The following DNAH14 variants were observed in gnomAD, a reference collection of about 807,000 sequenced individuals.
DNAH14 encodes the protein axonemal beta dynein heavy chain 14.
Under a neutral mutation model 520.9 loss-of-function variants are expected in DNAH14, and 478 were observed. The ratio of observed to expected loss-of-function variants is 0.92; its 90% confidence interval spans 0.85 to 0.99. The LOEUF (loss-of-function observed/expected upper bound fraction) is 0.99. DNAH14 is among the 50% of genes least tolerant of loss of function. The pLI is 0.00. For missense variants in DNAH14, 4,831 were observed against 5,234.5 expected (o/e 0.92, Z 2.38); for synonymous variants, 1,581 against 1,757.2 (o/e 0.90, Z 2.51).
intron 76 of DNAH14, among the ~76,000 whole-genome samples, chr1:225,366,358 T>C (rs796816983): frequency 1.2e-4 from 18 of 152,304 alleles, no homozygotes; most frequent in African/African-American, 4.1e-4. Flanking sequence ...ATTTGTGTGA[T>C]AAAATAGTAT....
chr1:225,321,932 C>T (rs929991150), intron 61 of DNAH14, among the ~76,000 whole-genome samples: 5 of 152,002 alleles, frequency 3.3e-5, no homozygotes, highest in African/African-American at 4.8e-5. Flanking sequence ...TATACCACTT[C>T]TTAAGTCACG....
chr1:225,252,297 G>A lies in DNAH14; in HGVS notation c.6749-4G>A. 4 of 1,503,810 alleles carry A rather than the reference G, an allele frequency of 2.7e-6. No homozygotes were observed. The highest frequency in any genetic ancestry group is 3.6e-6 in the Non-Finnish European group (4 of 1,104,074). The allele number at this position is 1,503,810 out of a possible 1,614,324, so 93.2% of individuals were successfully genotyped here. A position where few individuals can be genotyped will look rare whatever the true frequency, so the allele number is the denominator to read the frequency against. ...TTAGTTGAATTTATTATTTTCGGTT[G>A]TAGGCATCAACCTACCAACTGGTGA... On this transcript the variant is annotated splice_polypyrimidine_tract_variant and splice_region_variant and intron_variant, in intron 43 of 85. Coordinates refer to ENST00000682510, the MANE Select transcript of DNAH14 (RefSeq NM_001367479.1).
intron 3 of DNAH14, among the ~76,000 whole-genome samples, chr1:224,955,809 C>T (rs1469231893): frequency 1.3e-5 from 2 of 152,104 alleles, no homozygotes; most frequent in African/African-American, 4.8e-5. Context: ...CATAAACATG[C>T]CACATGCTTA....
intron 36 of DNAH14, among the ~76,000 whole-genome samples, chr1:225,172,732 G>A (rs531726646): frequency 1.3e-4 from 20 of 152,244 alleles, no homozygotes; most frequent in South Asian, 2.1e-4. Flanking sequence ...CAAGCTACCA[G>A]TGACTTTCTT....
chr1:225,092,677 C>T (rs1455299621), intron 21 of DNAH14, among the ~76,000 whole-genome samples: 2 of 151,852 alleles, frequency 1.3e-5, no homozygotes, highest in Non-Finnish European at 2.9e-5. Flanking sequence ...TAACCAAAAT[C>T]AGAGCTGAAC....
intron 7 of DNAH14, among the ~76,000 whole-genome samples, chr1:224,971,162 A>G (rs2061482200): frequency 6.6e-6 from 1 of 152,046 alleles, no homozygotes. Flanking sequence ...GATTCTCAAG[A>G]CTCTGATTCT....
At chr1:225,338,405 G>A in intron 68 of DNAH14, 2 of 666,854 alleles carry the variant, frequency 3.0e-6, no homozygotes, top group Non-Finnish European at 2.6e-6. Flanking sequence ...TTCAAACTGT[G>A]CATGATAAAA....
intron 23 of DNAH14, among the ~76,000 whole-genome samples, chr1:225,109,567 G>T (rs1381181616): frequency 6.6e-6 from 1 of 152,038 alleles, no homozygotes; most frequent in East Asian, 1.9e-4. Flanking sequence ...TTTGTATTCT[G>T]TAACTTTACT....
At chr1:225,335,196 T>G (rs1443171082) in intron 66 of DNAH14, among the ~76,000 whole-genome samples, 1 of 142,510 alleles carries the variant, frequency 7.0e-6, no homozygotes, top group Non-Finnish European at 1.6e-5. Flanking sequence ...TGTGTATATA[T>G]GCACACACGT....
In DNAH14 at chr1:225,288,161, A is replaced by G. The variant is rs1308475700; in HGVS notation, c.8272-1724A>G. ...AAGGGGGAAAAAAGAGTAACTTCAC[A>G]GTGGAGAAACCTGACAAACACCGCC... On this transcript the variant is annotated intron_variant, in intron 54 of 85. Transcript: ENST00000682510. 2.0e-5 allele frequency among the ~76,000 whole-genome samples: 3 copies of G among 152,132 alleles called. No individual in the cohort carries two copies. The East Asian group carries it at 5.8e-4, about 29-fold the overall frequency.
intron 23 of DNAH14, among the ~76,000 whole-genome samples, chr1:225,107,592 G>A (rs2076168019): frequency 6.6e-6 from 1 of 152,148 alleles, no homozygotes; most frequent in Admixed American, 6.5e-5. Flanking sequence ...AAAGGAAGAA[G>A]CTCCCCTGTA....
intron 81 of DNAH14, among the ~76,000 whole-genome samples, chr1:225,386,008 C>T (rs6656932): frequency 0.31 from 47,448 of 152,066 alleles, 9,311 homozygotes; most frequent in African/African-American, 0.56. Context: ...ACCAAAACAG[C>T]GTGGTACTGG....
At chr1:225,143,668 A>G (rs1357924883) in intron 28 of DNAH14, among the ~76,000 whole-genome samples, 1 of 152,222 alleles carries the variant, frequency 6.6e-6, no homozygotes, top group African/African-American at 2.4e-5. Flanking sequence ...AAACAGCACT[A>G]AACAATTAAA....
chr1:225,152,994 A>T, intron 33 of DNAH14, 111 bp downstream of exon 33: 1 of 1,094,780 alleles, frequency 9.1e-7, no homozygotes. Flanking sequence ...CAAATAATGG[A>T]GCTAGAATTC....
At chr1:225,161,135 G>A (rs1043940990) in intron 35 of DNAH14, among the ~76,000 whole-genome samples, 2 of 151,866 alleles carry the variant, frequency 1.3e-5, no homozygotes, top group African/African-American at 4.8e-5. Flanking sequence ...ATTTTTTTGT[G>A]CACATTAACC....
chr1:225,335,901 A>G (rs1373496210), intron 66 of DNAH14, among the ~76,000 whole-genome samples: 3 of 125,148 alleles, frequency 2.4e-5, no homozygotes, highest in Non-Finnish European at 5.1e-5. Context: ...ATACATACAT[A>G]TATGCATGTA....
chr1:225,000,050 A>G (rs1053007748), intron 8 of DNAH14, among the ~76,000 whole-genome samples: 37 of 151,112 alleles, frequency 2.4e-4, no homozygotes, highest in African/African-American at 8.0e-4. Flanking sequence ...TGGTTGTTTG[A>G]TTTCTGTTTA....
intron 57 of DNAH14, among the ~76,000 whole-genome samples, chr1:225,304,410 T>C (rs115498052): frequency 0.01 from 1,570 of 151,726 alleles, 16 homozygotes; most frequent in African/African-American, 0.036. Context: ...TTTAGAAAAT[T>C]AGCCAGGTGT....
chr1:225,040,608 G>A (rs2067391442), intron 12 of DNAH14, among the ~76,000 whole-genome samples: 1 of 152,106 alleles, frequency 6.6e-6, no homozygotes, highest in Non-Finnish European at 1.5e-5. Context: ...TTCCACTGTT[G>A]ATAGACATCT....
Sources: gnomAD v4.1 joint callset for allele counts (sites outside exome capture counted in the v4.1 genomes callset) on GRCh38, gnomAD v4.1.1 for gene constraint, MANE v1.5 for transcripts, NCBI Gene and HGNC (gene_info 2026-07-23, HGNC 2026-07-21) for gene names.